BPTF: variants seen among roughly 807,000 people sequenced by gnomAD.
BPTF encodes the protein bromodomain PHD finger transcription factor.
Under a neutral mutation model 292.5 loss-of-function variants are expected in BPTF, and 18 were observed. The ratio of observed to expected loss-of-function variants is 0.06; its 90% CI spans 0.04 to 0.09. BPTF has a LOEUF of 0.09. BPTF is among the 10% of genes least tolerant of loss of function. The pLI is 1.00. For synonymous variants in BPTF, 1,225 were observed against 1,251.9 expected (o/e 0.98, Z 0.45); for missense variants, 2,726 against 3,498.7 (o/e 0.78, Z 5.57).
intron 4 of BPTF, among the ~76,000 whole-genome samples, chr17:67,885,688 C>T (rs1454983272): frequency 6.6e-6 from 1 of 152,178 alleles, no homozygotes; most frequent in African/African-American, 2.4e-5. Context: ...CTGCTTAATT[C>T]TGTTTCTAAT....
In BPTF at chr17:67,959,621, C is replaced by G; in HGVS notation, c.8007C>G (p.Pro2669=). The part of the protein sequence containing the change: ...QLAQATAVAA[P]CPPVTPAPPA... ...CTCAGGCCACAGCAGTAGCTGCACC[C>G]TGCCCCCCAGTGACACCAGCTCCTC... Residue 2669 remains proline, a synonymous_variant, in exon 24 of 28, where the codon CCC becomes CCG. Transcript: ENST00000306378. 1.3e-6 allele frequency: 2 copies of G among 1,588,188 alleles called. No homozygotes were observed. The highest frequency in any genetic ancestry group is 1.7e-6 in the Non-Finnish European group (2 of 1,169,890).
Position 67,983,428 on chromosome 17 carries a change from C to G in BPTF, c.*1140C>G, listed in dbSNP as rs1458906909. 2 of 152,638 alleles carry G rather than the reference C, an allele frequency of 1.3e-5. No homozygotes were observed. Among genetic ancestry groups the G allele is most frequent in the Non-Finnish European group, 2.9e-5 (2 of 68,032 alleles). 9.5% of individuals were successfully genotyped at this position (152,638 alleles called of 1,614,324 possible). A position where few individuals can be genotyped will look rare whatever the true frequency, so the allele number is the denominator to read the frequency against. ...CATCTGTACATTCTGTGATACCAGGCAAATTACCAATTACACACAGCTACT... is the reference window on the plus strand; with the variant it reads ...CATCTGTACATTCTGTGATACCAGGGAAATTACCAATTACACACAGCTACT... On this transcript the variant is annotated 3_prime_UTR_variant, in exon 28 of 28. Transcript: ENST00000306378.
chr17:67,890,580 G>A (rs1451635257), intron 4 of BPTF, among the ~76,000 whole-genome samples: 3 of 152,170 alleles, frequency 2.0e-5, no homozygotes, highest in Non-Finnish European at 4.4e-5. Context: ...GTCTGGCCAC[G>A]CTGGGTCCTG....
At chr17:67,903,101 C>T (rs1216224484) in intron 7 of BPTF, among the ~76,000 whole-genome samples, 1 of 152,236 alleles carries the variant, frequency 6.6e-6, no homozygotes, top group Non-Finnish European at 1.5e-5. Flanking sequence ...ATGGGCCGAC[C>T]TTCCTCATCC....
intron 4 of BPTF, among the ~76,000 whole-genome samples, chr17:67,875,938 C>T (rs2060023103): frequency 6.6e-6 from 1 of 152,208 alleles, no homozygotes; most frequent in Non-Finnish European, 1.5e-5. Flanking sequence ...GCTTGAAACT[C>T]ATCATAATTT....
chr17:67,911,913 A>C lies in BPTF; in HGVS notation c.4029A>C (p.Gly1343=). The C allele has an allele frequency of 6.2e-7, 1 of 1,614,028 alleles. No homozygotes were observed. Among genetic ancestry groups the C allele is most frequent in the Non-Finnish European group, 8.5e-7 (1 of 1,179,998 alleles). Residue 1343 remains glycine, a synonymous_variant, in exon 11 of 28, where the codon GGA becomes GGC. Coordinates refer to ENST00000306378, the MANE Select transcript of BPTF (RefSeq NM_182641.4). ...AGTTGGTTTCTGGTGAGTCCACTGG[A>C]AACTGTGAGGACAGGCTGCCGGTCA... The part of the protein sequence containing the change: ...KCELVSGEST[G]NCEDRLPVKG...
At chr17:67,971,672 T>G (rs1383692278) in intron 26 of BPTF, among the ~76,000 whole-genome samples, 1 of 151,088 alleles carries the variant, frequency 6.6e-6, no homozygotes, top group Non-Finnish European at 1.5e-5. Context: ...GGCATGGTGG[T>G]GTGTGCCTGT....
At chr17:67,926,257 C>T (rs1478255693) in intron 15 of BPTF, among the ~76,000 whole-genome samples, 1 of 150,662 alleles carries the variant, frequency 6.6e-6, no homozygotes, top group Non-Finnish European at 1.5e-5. Context: ...GATCTGCCTA[C>T]CAGGGCCTCC....
intron 13 of BPTF, among the ~76,000 whole-genome samples, chr17:67,922,531 C>T (rs1210943593): frequency 2.0e-5 from 3 of 152,044 alleles, no homozygotes; most frequent in Non-Finnish European, 4.4e-5. Flanking sequence ...GAATAGTGCT[C>T]CAGGTGGAAG....
chr17:67,901,143 G>GA (rs2061808062), intron 7 of BPTF, among the ~76,000 whole-genome samples: 1 of 152,100 alleles, frequency 6.6e-6, no homozygotes, highest in African/African-American at 2.4e-5. Context: ...TTGTTCTACA[G>GA]AAGAAGCAAA....
intron 16 of BPTF, chr17:67,929,096 G>A (rs910683092): frequency 1.5e-6 from 2 of 1,302,138 alleles, no homozygotes; most frequent in East Asian, 3.2e-5. Context: ...GATTGTCGCT[G>A]TAAATGTGCC....
In BPTF at chr17:67,903,895, T is replaced by G; in HGVS notation, c.2650T>G (p.Tyr884Asp). ...ETMQQATWVK[Y>D]TFPVKHQVWK... ...GATGCAGCAAGCGACATGGGTAAAA[T>G]ACACATTTCCAGTTAAGCATCAGGT... is the stretch of plus-strand genomic sequence containing the variant. Residue 884 changes from tyrosine (Y) to aspartate (D), a missense_variant, in exon 8 of 28, where the codon TAC becomes GAC. Tyr to Asp is a radical substitution (Grantham distance 160, BLOSUM62 -3). Transcript: ENST00000306378. 6.3e-7 allele frequency: 1 copy of G among 1,587,406 alleles called. No individual in the cohort carries two copies. Among genetic ancestry groups the G allele is most frequent in the Non-Finnish European group, 8.5e-7 (1 of 1,173,038 alleles).
Position 67,944,609 on chromosome 17 carries a change from C to T in BPTF, c.6700+237C>T, listed in dbSNP as rs1339511558. ...AAAAAAGAGAGAGAGAGAAAGGGGG[C>T]AAAAATAATGGTTATCTTGGTAACT... On this transcript the variant is annotated intron_variant, in intron 20 of 27. Coordinates refer to ENST00000306378, the MANE Select transcript of BPTF (RefSeq NM_182641.4). 6 of 563,516 alleles carry T rather than the reference C, an allele frequency of 1.1e-5. No individual in the cohort carries two copies. In the African/African-American group the frequency reaches 1.1e-4, roughly 11 times the overall value. The allele number at this position is 563,516 out of a possible 1,614,324, so 34.9% of individuals were successfully genotyped here. A position where few individuals can be genotyped will look rare whatever the true frequency, so the allele number is the denominator to read the frequency against.
At chr17:67,952,432 T>C (rs1317887125) in intron 23 of BPTF, among the ~76,000 whole-genome samples, 3 of 152,040 alleles carry the variant, frequency 2.0e-5, no homozygotes, top group Non-Finnish European at 4.4e-5. Context: ...CCCAGCTTTT[T>C]TTCTATTTTC....
At chr17:67,889,656 A>G (rs1246236416) in intron 4 of BPTF, among the ~76,000 whole-genome samples, 1 of 152,076 alleles carries the variant, frequency 6.6e-6, no homozygotes, top group African/African-American at 2.4e-5. Context: ...AAAAATACAA[A>G]AATTAGCTGG....
chr17:67,909,733 C>T lies in BPTF; in HGVS notation c.2964C>T (p.Ile988=), dbSNP rs1213820088. 1.9e-6 allele frequency: 3 copies of T among 1,578,504 alleles called. No individual in the cohort carries two copies. Among genetic ancestry groups the T allele is most frequent in the Admixed American group, 3.8e-5 (2 of 52,394 alleles). ...AKGADQNEMD[I]SKITEKKDQD... ...GAGCAGACCAAAATGAAATGGATAT[C>T]TCAAAGATTACTGAGAAGAAGGACC... is the stretch of plus-strand genomic sequence containing the variant. The change falls in exon 10 of 28, where the codon ATC becomes ATT. Residue 988 remains isoleucine (I), a synonymous_variant. Transcript: ENST00000306378.
At chr17:67,937,683 C>G (rs1568119994) in intron 18 of BPTF, among the ~76,000 whole-genome samples, 1 of 151,770 alleles carries the variant, frequency 6.6e-6, no homozygotes, top group Non-Finnish European at 1.5e-5. Flanking sequence ...CTCAGGGGGA[C>G]CCAAGGAGGA....
At chr17:67,860,038 A>G (rs1771397739) in intron 2 of BPTF, among the ~76,000 whole-genome samples, 1 of 152,236 alleles carries the variant, frequency 6.6e-6, no homozygotes, top group Non-Finnish European at 1.5e-5. Context: ...CTGTTCATTT[A>G]AGTTTATTTG....
chr17:67,919,720 C>T (rs1014610624), intron 12 of BPTF, among the ~76,000 whole-genome samples: 7 of 152,102 alleles, frequency 4.6e-5, no homozygotes, highest in Non-Finnish European at 8.8e-5. Flanking sequence ...CTTCTGGAGG[C>T]CTGTGCTTGC....
Sources: gnomAD v4.1 joint callset for allele counts (sites outside exome capture counted in the v4.1 genomes callset) on GRCh38, gnomAD v4.1.1 for gene constraint, MANE v1.5 for transcripts, NCBI Gene and HGNC (gene_info 2026-07-23, HGNC 2026-07-21) for gene names.